The following MFSD6 variants were observed in gnomAD, a reference collection of about 807,000 sequenced individuals.
MFSD6 encodes the protein major facilitator superfamily domain containing 6, also known as major facilitator superfamily domain-containing protein 6.
A neutral mutation model predicts 56.3 loss-of-function variants in MFSD6; 26 were observed. That is an observed-to-expected ratio of 0.46 (90% CI 0.34 to 0.64). The LOEUF (loss-of-function observed/expected upper bound fraction) is 0.64. Among genes scored for constraint, MFSD6 ranks in the 30% least tolerant of loss-of-function variants. MFSD6 has a pLI of 0.01. For missense variants in MFSD6, 750 were observed against 986.2 expected, an observed-to-expected ratio of 0.76 and a Z score of 3.21; for synonymous variants, 331 against 366.9, an observed-to-expected ratio of 0.90 and a Z score of 1.12.
In MFSD6 at chr2:190,438,225, A is replaced by AT. The variant is rs563447798; in HGVS notation, c.1532+664_1532+665insT. On this transcript the variant is annotated intron_variant, in intron 3 of 7. Transcript: ENST00000392328. This position sits in a 1 kb window ranked among gnomAD's most constrained non-coding sequence, Gnocchi z 5.2. ...TAATTCTTTTAGTTATAAAAAAAAAAATCTATAGGCTGGGCACAGTGGCTC... is the reference window on the plus strand; with the variant it reads ...TAATTCTTTTAGTTATAAAAAAAAAATATCTATAGGCTGGGCACAGTGGCTC... Among the ~76,000 whole-genome samples, 17 of 151,492 alleles carry AT rather than the reference A, an allele frequency of 1.1e-4. No homozygotes were observed. The East Asian group carries it at 2.1e-3, about 19-fold the overall frequency.
chr2:190,478,973 T>C (rs1016438073), intron 4 of MFSD6, among the ~76,000 whole-genome samples: 1 of 152,196 alleles, frequency 6.6e-6, no homozygotes, highest in Non-Finnish European at 1.5e-5. Context: ...CCTCATTCTA[T>C]AGCCCCCGCT....
chr2:190,470,300 A>G (rs1026430252), intron 4 of MFSD6, among the ~76,000 whole-genome samples: 1 of 152,228 alleles, frequency 6.6e-6, no homozygotes, highest in African/African-American at 2.4e-5. Context: ...ACTTATAACT[A>G]AAGTTTTATA....
intron 1 of MFSD6, chr2:190,411,158 GTAGTTT>G (rs1575809677): frequency 1.6e-4 from 145 of 913,366 alleles, no homozygotes; most frequent in South Asian, 2.0e-4. Context: ...ACTGTTGACA[GTAGTTT>G]TTTTTTTTTT....
rs1463859332 is a variant in MFSD6, at chr2:190,491,242, A to T, written c.1891+1376A>T. On this transcript the variant is annotated intron_variant, in intron 6 of 7. Transcript: ENST00000392328. The surrounding 1 kb of genome is among the most constrained non-coding windows in gnomAD (Gnocchi z 4.2). ...ATACTTGTGTTCTGGAGAGACTGTT[A>T]TTGGGAAAATGGCAAGATAGGAGGC... Among the ~76,000 whole-genome samples, 2 of 152,200 alleles carry T rather than the reference A, an allele frequency of 1.3e-5. No individual in the cohort carries two copies. Among genetic ancestry groups the T allele is most frequent in the African/African-American group, 4.8e-5 (2 of 41,444 alleles).
At chr2:190,420,330 A>G (rs536584211) in intron 2 of MFSD6, among the ~76,000 whole-genome samples, 1 of 152,050 alleles carries the variant, frequency 6.6e-6, no homozygotes, top group South Asian at 2.1e-4. Context: ...TGGCTACTAG[A>G]TAGCCACCTT....
intron 3 of MFSD6, among the ~76,000 whole-genome samples, chr2:190,468,591 T>G (rs1041506610): frequency 1.3e-5 from 2 of 151,096 alleles, no homozygotes; most frequent in Admixed American, 6.6e-5. Context: ...TAGCTGGGAC[T>G]ATAGGTGTGT....
chr2:190,442,899 C>A (rs1359366090), intron 3 of MFSD6: 2 of 152,058 alleles, frequency 1.3e-5, no homozygotes, highest in African/African-American at 4.8e-5. Context: ...GAAATCTTGT[C>A]GTCTAAGAAG....
chr2:190,416,498 C>CTCCAGTG lies in MFSD6; in HGVS notation c.-54+1086_-54+1092dup, dbSNP rs1690781175. On this transcript the variant is annotated intron_variant, in intron 2 of 7. Transcript: ENST00000392328. This position sits in a 1 kb window ranked among gnomAD's most constrained non-coding sequence, Gnocchi z 4.1. ...CCAGTCCATATTACAATAGTGTGTT[C>CTCCAGTG]TCCAGTGAACCAGTGCCTCACAGGC... Among the ~76,000 whole-genome samples, 1 of 152,156 alleles carries CTCCAGTG rather than the reference C, an allele frequency of 6.6e-6. No homozygotes were observed. Among genetic ancestry groups the CTCCAGTG allele is most frequent in the South Asian group, 2.1e-4 (1 of 4,832 alleles).
intron 4 of MFSD6, among the ~76,000 whole-genome samples, chr2:190,477,013 A>G (rs1688363008): frequency 7.5e-6 from 1 of 132,762 alleles, no homozygotes; most frequent in Non-Finnish European, 1.5e-5. Flanking sequence ...ATGTGAACAC[A>G]TGGACACAGG....
rs1478916751 is a variant in MFSD6, at chr2:190,467,883, C to T, written c.1533-1875C>T. ...TTTACATATTGCCTGTGGCTGCTTT[C>T]ATGCTACAGCAGCAGAGCTGAGGAG... is the stretch of plus-strand genomic sequence containing the variant. On this transcript the variant is annotated intron_variant, in intron 3 of 7. Coordinates refer to ENST00000392328, the MANE Select transcript of MFSD6 (RefSeq NM_017694.4). The surrounding 1 kb of genome is among the most constrained non-coding windows in gnomAD (Gnocchi z 5.5). 6.6e-6 allele frequency among the ~76,000 whole-genome samples: 1 copy of T among 152,202 alleles called. No individual in the cohort carries two copies. Among genetic ancestry groups the T allele is most frequent in the East Asian group, 1.9e-4 (1 of 5,202 alleles).
At chr2:190,470,584 G>A (rs778733063) in intron 4 of MFSD6, among the ~76,000 whole-genome samples, 9 of 152,206 alleles carry the variant, frequency 5.9e-5, no homozygotes, top group Non-Finnish European at 1.3e-4. Flanking sequence ...GGAGTTGAGT[G>A]ACGGTCCAGG....
chr2:190,412,773 A>C lies in MFSD6; in HGVS notation c.-175-2519A>C. ...TTTCCTAAATTCTGAATGATACGTT[A>C]TCCAGTACTTAGCCCCACTGCTGGA... On this transcript the variant is annotated intron_variant, in intron 1 of 7. Transcript: ENST00000392328. This position sits in a 1 kb window ranked among gnomAD's most constrained non-coding sequence, Gnocchi z 4.1. 4.1e-6 allele frequency: 1 copy of C among 244,416 alleles called. No homozygotes were observed. The highest frequency in any genetic ancestry group is 6.6e-6 in the Non-Finnish European group (1 of 152,426). The allele number at this position is 244,416 out of a possible 1,614,324, so 15.1% of individuals were successfully genotyped here. A position where few individuals can be genotyped will look rare whatever the true frequency, so the allele number is the denominator to read the frequency against.
At chr2:190,460,038 A>G (rs1482706994) in intron 3 of MFSD6, among the ~76,000 whole-genome samples, 1 of 152,190 alleles carries the variant, frequency 6.6e-6, no homozygotes, top group Non-Finnish European at 1.5e-5. Context: ...ATGCTGTGGG[A>G]CTACCACTGA....
At position 190,426,943 on chromosome 2, in the gene MFSD6, C is replaced by T. The variant is rs1240223416; in HGVS notation, c.-53-9034C>T. On this transcript the variant is annotated intron_variant, in intron 2 of 7. Coordinates refer to ENST00000392328, the MANE Select transcript of MFSD6 (RefSeq NM_017694.4). The surrounding 1 kb of genome is among the most constrained non-coding windows in gnomAD (Gnocchi z 4.7). Reference sequence around the variant, plus strand: ...GCTGGAGGTAGAAGTCCAAGTTCCTCACTCAGCCTCTTTGGATACCTGAAG... The same window carrying T: ...GCTGGAGGTAGAAGTCCAAGTTCCTTACTCAGCCTCTTTGGATACCTGAAG... Among the ~76,000 whole-genome samples, 1 of 152,240 alleles carries T rather than the reference C, an allele frequency of 6.6e-6. No individual in the cohort carries two copies. The highest frequency in any genetic ancestry group is 6.5e-5 in the Admixed American group (1 of 15,294).
chr2:190,412,542 A>G lies in MFSD6; in HGVS notation c.-175-2750A>G, dbSNP rs532060760. ...ACTAACATGGCATTTCCTTGGGCATAGCATTTTTGATTCCTGGGAAAAGCA... is the reference window on the plus strand; with the variant it reads ...ACTAACATGGCATTTCCTTGGGCATGGCATTTTTGATTCCTGGGAAAAGCA... On this transcript the variant is annotated intron_variant, in intron 1 of 7. Coordinates refer to ENST00000392328, the MANE Select transcript of MFSD6 (RefSeq NM_017694.4). This position sits in a 1 kb window ranked among gnomAD's most constrained non-coding sequence, Gnocchi z 4.1. 1.0e-6 allele frequency: 1 copy of G among 985,438 alleles called. No individual in the cohort carries two copies. The highest frequency in any genetic ancestry group is 1.7e-5 in the African/African-American group (1 of 57,360). The allele number at this position is 985,438 out of a possible 1,614,324, so 61.0% of individuals were successfully genotyped here.
At chr2:190,411,348 C>A in intron 1 of MFSD6, 1 of 463,112 alleles carries the variant, frequency 2.2e-6, no homozygotes, top group Non-Finnish European at 2.8e-6. Context: ...TTAGTAGAGA[C>A]GGGGTTTCAT....
rs930973923 is a variant in MFSD6, at chr2:190,415,035, T to G, written c.-175-257T>G. 1.3e-5 allele frequency among the ~76,000 whole-genome samples: 2 copies of G among 152,248 alleles called. No homozygotes were observed. The highest frequency in any genetic ancestry group is 2.9e-5 in the Non-Finnish European group (2 of 68,036). On this transcript the variant is annotated intron_variant, in intron 1 of 7. Coordinates refer to ENST00000392328, the MANE Select transcript of MFSD6 (RefSeq NM_017694.4). This position sits in a 1 kb window ranked among gnomAD's most constrained non-coding sequence, Gnocchi z 4.5. ...TTTTTCTCTATAGCTTATTTACCTA[T>G]TTTCACCATAACTTATTTAACTGTC...
chr2:190,477,148 TAC>T (rs1688378979), intron 4 of MFSD6: 1 of 511,718 alleles, frequency 2.0e-6, no homozygotes, highest in Non-Finnish European at 2.5e-6. Flanking sequence ...GGCACATGTA[TAC>T]ATATGTAACA....
rs962979883 is a variant in MFSD6 at position 190,413,987 on chromosome 2, T to G, written c.-175-1305T>G. 6.6e-6 allele frequency among the ~76,000 whole-genome samples: 1 copy of G among 152,134 alleles called. No homozygotes were observed. Among genetic ancestry groups the G allele is most frequent in the Non-Finnish European group, 1.5e-5 (1 of 68,034 alleles). On this transcript the variant is annotated intron_variant, in intron 1 of 7. Coordinates refer to ENST00000392328, the MANE Select transcript of MFSD6 (RefSeq NM_017694.4). The surrounding 1 kb of genome is among the most constrained non-coding windows in gnomAD (Gnocchi z 4.1). ...AAGTTAAGGTAGAACATACTTGGCC[T>G]CAAGGTACTTGGCTCAAGGTAGAGC... is the stretch of plus-strand genomic sequence containing the variant.
Sources: allele counts gnomAD v4.1 joint callset (sites outside exome capture counted in the v4.1 genomes callset), GRCh38; gene constraint gnomAD v4.1.1; non-coding constraint Gnocchi (gnomAD v3.1); transcripts MANE v1.5; gene names NCBI Gene and HGNC (gene_info 2026-07-23, HGNC 2026-07-21).